Variants in WDR72 observed in about 807,000 individuals in gnomAD.
WDR72 encodes the protein WD repeat-containing protein 72.
WDR72 carries 120 observed loss-of-function variants against 124.2 expected under a neutral mutation model. That is an observed-to-expected ratio of 0.97 (90% CI 0.83 to 1.12). The LOEUF (loss-of-function observed/expected upper bound fraction) is 1.12. Ranked by LOEUF, WDR72 falls within the 50% of genes most tolerant of loss-of-function variation. The pLI is 0.00. For synonymous variants in WDR72, 452 were observed against 441.7 expected (o/e 1.02, Z -0.29); for missense variants, 1,387 against 1,278.8 (o/e 1.08, Z -1.29).
intron 10 of WDR72, 128 bp downstream of exon 10, chr15:53,705,799 T>G: frequency 9.2e-7 from 1 of 1,083,238 alleles, no homozygotes; most frequent in Admixed American, 2.0e-5. Flanking sequence ...ATGTTGTCAT[T>G]TAATACGTAG....
chr15:53,571,927 A>G (rs1016868100), intron 18 of WDR72, among the ~76,000 whole-genome samples: 2 of 152,080 alleles, frequency 1.3e-5, no homozygotes, highest in African/African-American at 4.8e-5. Context: ...GGTGAGAATG[A>G]TATCTCATTG....
At chr15:53,674,013 A>T (rs766649925) in intron 13 of WDR72, among the ~76,000 whole-genome samples, 1 of 152,162 alleles carries the variant, frequency 6.6e-6, no homozygotes, top group Non-Finnish European at 1.5e-5. Flanking sequence ...AAGCATATAT[A>T]TTCATCACTA....
At chr15:53,608,742 C>T (rs372524343) in intron 17 of WDR72, among the ~76,000 whole-genome samples, 206 of 88,050 alleles carry the variant, frequency 2.3e-3, no homozygotes, top group African/African-American at 7.9e-3. Context: ...GGTGACAGAG[C>T]GAGATCCTTT....
intron 10 of WDR72, 122 bp downstream of exon 10, chr15:53,705,805 C>T (rs1225009442): frequency 7.1e-6 from 8 of 1,119,604 alleles, no homozygotes; most frequent in South Asian, 1.3e-5. Context: ...TCATTTAATA[C>T]GTAGTAGTAC....
chr15:53,649,695 A>T (rs755622283), intron 14 of WDR72, among the ~76,000 whole-genome samples: 22 of 152,188 alleles, frequency 1.4e-4, no homozygotes, highest in Non-Finnish European at 2.6e-4. Context: ...CAATATCATT[A>T]ATTATCAAAG....
intron 13 of WDR72, among the ~76,000 whole-genome samples, chr15:53,692,566 T>A (rs141531862): frequency 1.3e-3 from 196 of 152,316 alleles, no homozygotes; most frequent in African/African-American, 4.3e-3. Flanking sequence ...GCAAGCTGAC[T>A]CCCAGGGCTC....
chr15:53,600,473 T>A (rs1009925212), intron 17 of WDR72, among the ~76,000 whole-genome samples: 1 of 152,096 alleles, frequency 6.6e-6, no homozygotes, highest in African/African-American at 2.4e-5. Context: ...TGTACACAGA[T>A]TAAAAATAAA....
intron 18 of WDR72, among the ~76,000 whole-genome samples, chr15:53,587,563 T>C (rs1258828662): frequency 6.6e-6 from 1 of 152,048 alleles, no homozygotes; most frequent in African/African-American, 2.4e-5. Flanking sequence ...AAATGATGTA[T>C]GTAGGTAGGT....
intron 13 of WDR72, among the ~76,000 whole-genome samples, chr15:53,685,004 T>C (rs953643277): frequency 6.6e-6 from 1 of 152,116 alleles, no homozygotes; most frequent in Non-Finnish European, 1.5e-5. Flanking sequence ...GAGGGTCCTG[T>C]CTGTTAGAAG....
chr15:53,705,102 A>G lies in WDR72; in HGVS notation c.1234T>C (p.Tyr412His). Residue 412 changes from tyrosine to histidine, a missense_variant, in exon 11 of 20, where the codon TAT (tyrosine) becomes CAT (histidine). Physicochemically the swap from Tyr to His is moderately conservative, Grantham distance 83 (BLOSUM62 2). Coordinates refer to ENST00000360509, the MANE Select transcript of WDR72 (RefSeq NM_182758.4). ...ATTAGTTTATCAAGACTTGGAATAT[A>G]CTCTGATGAAGTGACTACAGCAGTT... ...AGTAVVTSSE[Y>H]IPSLDKLICG... is the part of the protein sequence containing the mutation. 1 of 1,614,076 alleles carries G rather than the reference A, an allele frequency of 6.2e-7. No homozygotes were observed. Among genetic ancestry groups the G allele is most frequent in the Non-Finnish European group, 8.5e-7 (1 of 1,180,006 alleles).
At chr15:53,603,471 T>C (rs2013136038) in intron 17 of WDR72, among the ~76,000 whole-genome samples, 1 of 152,152 alleles carries the variant, frequency 6.6e-6, no homozygotes. Flanking sequence ...AACACAGTAT[T>C]GGAATTTCTG....
chr15:53,672,468 AT>A (rs1423230479), intron 13 of WDR72, among the ~76,000 whole-genome samples: 1 of 152,178 alleles, frequency 6.6e-6, no homozygotes, highest in East Asian at 1.9e-4. Context: ...TTGTAAACCC[AT>A]TAGGATTGTC....
intron 16 of WDR72, among the ~76,000 whole-genome samples, chr15:53,612,615 T>C (rs775079142): frequency 5.3e-5 from 8 of 151,758 alleles, no homozygotes; most frequent in African/African-American, 1.5e-4. Context: ...GGGTGAGCAC[T>C]AAGAGAGAAG....
At chr15:53,581,668 A>T (rs2011935980) in intron 18 of WDR72, among the ~76,000 whole-genome samples, 8 of 152,046 alleles carry the variant, frequency 5.3e-5, no homozygotes, top group Admixed American at 3.3e-4. Context: ...AGATGAAAAA[A>T]TCCTAACTCA....
intron 2 of WDR72, among the ~76,000 whole-genome samples, chr15:53,730,759 T>C (rs778493362): frequency 3.9e-5 from 6 of 152,116 alleles, no homozygotes; most frequent in Admixed American, 6.6e-5. Context: ...TTTCTACCCC[T>C]ACCCAAATTA....
intron 13 of WDR72, among the ~76,000 whole-genome samples, chr15:53,686,435 A>C (rs1454100770): frequency 6.7e-6 from 1 of 150,082 alleles, no homozygotes; most frequent in Non-Finnish European, 1.5e-5. Flanking sequence ...AACAGACTTT[A>C]AACCAACAAA....
chr15:53,705,855 C>G (rs2017337184), intron 10 of WDR72, 72 bp downstream of exon 10: 2 of 1,591,204 alleles, frequency 1.3e-6, no homozygotes, highest in Non-Finnish European at 1.7e-6. Flanking sequence ...TGCTGCTCAA[C>G]TTAGAAGAAC....
At position 53,726,285 on chromosome 15, in the gene WDR72, T is replaced by TATAC. The variant is rs1228132828; in HGVS notation, c.154-3378_154-3377insGTAT. On this transcript the variant is annotated intron_variant, in intron 2 of 19. Coordinates refer to ENST00000360509, the MANE Select transcript of WDR72 (RefSeq NM_182758.4). ...GTGTGTATATATATATATATATATA[T>TATAC]ACACACACACACTGCTCTAGTGTGG... is the stretch of plus-strand genomic sequence containing the variant. 8.6e-3 allele frequency among the ~76,000 whole-genome samples: 994 copies of TATAC among 115,450 alleles called. 17 individuals are homozygous for TATAC. The highest frequency in any genetic ancestry group is 0.025 in the Middle Eastern group (6 of 236). 75.7% of individuals were successfully genotyped at this position (115,450 alleles called of 152,430 possible).
intron 1 of WDR72, among the ~76,000 whole-genome samples, chr15:53,758,834 A>G (rs1486131420): frequency 6.8e-6 from 1 of 147,834 alleles, no homozygotes; most frequent in Non-Finnish European, 1.5e-5. Context: ...TTTGTTTAAC[A>G]GAACGTCGTT....
Sources: allele counts gnomAD v4.1 joint callset (sites outside exome capture counted in the v4.1 genomes callset), GRCh38; gene constraint gnomAD v4.1.1; transcripts MANE v1.5; gene names NCBI Gene and HGNC (gene_info 2026-07-23, HGNC 2026-07-21).